Variants in PCDHA11 observed in about 807,000 individuals in gnomAD.
PCDHA11 encodes the protein protocadherin alpha 11.
PCDHA11 carries 61 observed loss-of-function variants against 70.3 expected under a neutral mutation model. That is an observed-to-expected ratio of 0.87 (90% CI 0.71 to 1.07). PCDHA11 has a LOEUF of 1.07. Ranked by LOEUF, PCDHA11 falls within the 50% of genes least tolerant of loss-of-function variation. The pLI is 0.00. For missense variants in PCDHA11, 1,324 were observed against 1,237.5 expected (o/e 1.07, Z -1.05); for synonymous variants, 633 against 555.1 (o/e 1.14, Z -1.97).
intron 1 of PCDHA11, among the ~76,000 whole-genome samples, chr5:140,962,537 A>G (rs1554226101): frequency 6.6e-6 from 1 of 152,208 alleles, no homozygotes; most frequent in Non-Finnish European, 1.5e-5. Context: ...TTTTAGAACT[A>G]AAAATGTAGA....
At position 140,869,275 on chromosome 5, in the gene PCDHA11, G is replaced by T; in HGVS notation, c.172G>T (p.Glu58Ter). Residue 58 changes from glutamate to a stop codon, truncating the protein, a stop_gained, in exon 1 of 4, where the codon GAG becomes TAG. Transcript: ENST00000398640. LOFTEE classifies it high-confidence loss of function. Reference protein sequence around the residue: ...IAQDLGLELAELVQRLFRVAS... With the variant: ...IAQDLGLELA ...GCAGGACCTGGGGCTGGAGCTGGCG[G>T]AGCTGGTGCAGCGCCTGTTCCGGGT... is the stretch of plus-strand genomic sequence containing the variant. The T allele has an allele frequency of 6.2e-7, 1 of 1,613,584 alleles. No homozygotes were observed. Among genetic ancestry groups the T allele is most frequent in the Non-Finnish European group, 8.5e-7 (1 of 1,179,958 alleles).
chr5:140,880,742 G>A, intron 1 of PCDHA11, among the ~76,000 whole-genome samples: 1 of 152,208 alleles, frequency 6.6e-6, no homozygotes, highest in East Asian at 1.9e-4. Flanking sequence ...AAAATGGATT[G>A]TCAGTGTAAC....
chr5:140,876,408 G>C (rs781814727), intron 1 of PCDHA11: 1 of 1,613,942 alleles, frequency 6.2e-7, no homozygotes, highest in South Asian at 1.1e-5. Flanking sequence ...ATTTTGAAGA[G>C]AATAATGCCT....
intron 1 of PCDHA11, among the ~76,000 whole-genome samples, chr5:140,916,378 A>C (rs772984424): frequency 6.6e-6 from 1 of 152,158 alleles, no homozygotes; most frequent in Non-Finnish European, 1.5e-5. Flanking sequence ...TGTAGCCACC[A>C]CAACTAGGAA....
At chr5:140,989,582 G>A (rs1554250917) in intron 3 of PCDHA11, among the ~76,000 whole-genome samples, 1 of 152,200 alleles carries the variant, frequency 6.6e-6, no homozygotes, top group Non-Finnish European at 1.5e-5. Flanking sequence ...CCTGTCCTCA[G>A]CCTCACTGAC....
intron 1 of PCDHA11, chr5:140,967,992 C>T: frequency 1.2e-6 from 2 of 1,614,250 alleles, no homozygotes; most frequent in Non-Finnish European, 1.7e-6. Flanking sequence ...GCCACACTGC[C>T]TTTCCGACTG....
intron 3 of PCDHA11, among the ~76,000 whole-genome samples, chr5:140,993,683 G>A (rs2097577653): frequency 6.6e-6 from 1 of 152,080 alleles, no homozygotes; most frequent in Non-Finnish European, 1.5e-5. Flanking sequence ...TGTGACAGCT[G>A]TCCCATAAGA....
chr5:140,963,538 C>T (rs1450528022), intron 1 of PCDHA11, among the ~76,000 whole-genome samples: 2 of 152,188 alleles, frequency 1.3e-5, no homozygotes, highest in Non-Finnish European at 2.9e-5. Flanking sequence ...CCATTTACTT[C>T]ATGATATAAA....
At chr5:140,928,712 G>T in intron 1 of PCDHA11, 2 of 1,614,168 alleles carry the variant, frequency 1.2e-6, no homozygotes, top group Non-Finnish European at 1.7e-6. Flanking sequence ...TCTGACTCTA[G>T]TCTCTTTAGA....
intron 1 of PCDHA11, among the ~76,000 whole-genome samples, chr5:140,906,212 A>C (rs2072460025): frequency 6.6e-6 from 1 of 152,194 alleles, no homozygotes; most frequent in South Asian, 2.1e-4. Context: ...CTCAGTATTA[A>C]CCATCACAAG....
intron 1 of PCDHA11, among the ~76,000 whole-genome samples, chr5:140,947,315 C>CGGTT (rs1443576978): frequency 4.0e-5 from 6 of 151,444 alleles, no homozygotes; most frequent in African/African-American, 1.5e-4. Flanking sequence ...TGTAAAAAGT[C>CGGTT]GGTTGACCAT....
intron 1 of PCDHA11, among the ~76,000 whole-genome samples, chr5:140,971,962 T>C (rs1392143830): frequency 6.6e-6 from 1 of 152,150 alleles, no homozygotes; most frequent in Non-Finnish European, 1.5e-5. Context: ...CAAAAACTTT[T>C]TTTCAATACT....
chr5:140,885,525 A>G (rs1206570848), intron 1 of PCDHA11, among the ~76,000 whole-genome samples: 4 of 152,128 alleles, frequency 2.6e-5, no homozygotes, highest in Admixed American at 6.6e-5. Flanking sequence ...ATCATTTCAT[A>G]TATTTCCCAA....
chr5:140,969,222 C>T (rs782010447), intron 1 of PCDHA11: 1 of 1,614,154 alleles, frequency 6.2e-7, no homozygotes, highest in Non-Finnish European at 8.5e-7. Flanking sequence ...GGACCAGGGC[C>T]TTCGGGAGCC....
intron 1 of PCDHA11, among the ~76,000 whole-genome samples, chr5:140,932,345 C>G (rs1332373274): frequency 6.6e-6 from 1 of 151,820 alleles, no homozygotes; most frequent in African/African-American, 2.4e-5. Context: ...AAACACTTAC[C>G]ATACAACTGG....
chr5:140,980,598 C>G (rs574589264), intron 2 of PCDHA11, among the ~76,000 whole-genome samples: 1 of 152,152 alleles, frequency 6.6e-6, no homozygotes, highest in South Asian at 2.1e-4. Flanking sequence ...CCACTGCACT[C>G]CAGCCTGGCG....
intron 1 of PCDHA11, among the ~76,000 whole-genome samples, chr5:140,912,536 A>G (rs1554195402): frequency 2.0e-5 from 3 of 152,290 alleles, no homozygotes; most frequent in African/African-American, 4.8e-5. Flanking sequence ...GTACATGATC[A>G]TATTGTCAGC....
At chr5:140,928,165 C>T (rs1554205580) in intron 1 of PCDHA11, 3 of 1,614,200 alleles carry the variant, frequency 1.9e-6, no homozygotes, top group East Asian at 2.2e-5. Context: ...CTCACCCCCA[C>T]TTAGCACCCG....
chr5:140,908,763 G>A (rs1159029668), intron 1 of PCDHA11, among the ~76,000 whole-genome samples: 5 of 152,284 alleles, frequency 3.3e-5, no homozygotes, highest in East Asian at 3.9e-4. Context: ...CAGCCTGGAC[G>A]TGTTGTAGAG....
Sources: gnomAD v4.1 joint callset for allele counts (sites outside exome capture counted in the v4.1 genomes callset) on GRCh38, gnomAD v4.1.1 for gene constraint, MANE v1.5 for transcripts, NCBI Gene and HGNC (gene_info 2026-07-23, HGNC 2026-07-21) for gene names.